Variants in EXOC4 observed in about 807,000 individuals in gnomAD.
The protein encoded by EXOC4 is SEC8-like 1.
A neutral mutation model predicts 107.2 loss-of-function variants in EXOC4; 71 were observed. The observed-to-expected ratio is 0.66, with a 90% CI of 0.55 to 0.81. The LOEUF (loss-of-function observed/expected upper bound fraction) is 0.81, where lower values mean the gene tolerates loss of function less well. Among genes scored for constraint, EXOC4 ranks in the 30% least tolerant of loss-of-function variants. The probability of loss-of-function intolerance (pLI) is 0.00; values close to 1 mark genes in which losing one functional copy is unlikely to be tolerated. For synonymous variants in EXOC4, 456 were observed against 441.2 expected (o/e 1.03, Z -0.42); for missense variants, 1,108 against 1,189.6 (o/e 0.93, Z 1.01).
chr7:133,290,498 C>T (rs1015197216), intron 3 of EXOC4, among the ~76,000 whole-genome samples: 1 of 152,134 alleles, frequency 6.6e-6, no homozygotes, highest in Non-Finnish European at 1.5e-5. Context: ...CAAGATTCAG[C>T]AATCAGAATA....
At chr7:134,005,867 T>C (rs138700171) in intron 16 of EXOC4, among the ~76,000 whole-genome samples, 38 of 152,326 alleles carry the variant, frequency 2.5e-4, no homozygotes, top group African/African-American at 8.7e-4. Context: ...CAATGTTTGC[T>C]TTATGAAAGT....
intron 7 of EXOC4, among the ~76,000 whole-genome samples, chr7:133,410,630 G>A (rs560986830): frequency 6.6e-6 from 1 of 152,302 alleles, no homozygotes; most frequent in African/African-American, 2.4e-5. Context: ...GGGGATGACA[G>A]AGGGAGAAAG....
chr7:133,423,868 T>C (rs891593006), intron 7 of EXOC4, among the ~76,000 whole-genome samples: 1 of 152,136 alleles, frequency 6.6e-6, no homozygotes, highest in African/African-American at 2.4e-5. Context: ...CTGGACTTGA[T>C]AGGGGGACGA....
intron 11 of EXOC4, among the ~76,000 whole-genome samples, chr7:133,873,078 G>A (rs1798781164): frequency 6.6e-6 from 1 of 152,166 alleles, no homozygotes; most frequent in Non-Finnish European, 1.5e-5. Context: ...GGAGGGCCCA[G>A]GTATGAGGAT....
At chr7:133,268,081 T>C (rs568417800) in intron 1 of EXOC4, among the ~76,000 whole-genome samples, 1 of 152,230 alleles carries the variant, frequency 6.6e-6, no homozygotes, top group Non-Finnish European at 1.5e-5. Flanking sequence ...CTTTATATTT[T>C]CAAAGCACAT....
intron 9 of EXOC4, among the ~76,000 whole-genome samples, chr7:133,492,539 G>A (rs1799391943): frequency 6.6e-6 from 1 of 152,128 alleles, no homozygotes. Flanking sequence ...AAGGCTTTCA[G>A]CAGTTTGTGA....
intron 9 of EXOC4, among the ~76,000 whole-genome samples, chr7:133,558,569 C>T (rs561469067): frequency 5.9e-5 from 9 of 151,922 alleles, no homozygotes; most frequent in Non-Finnish European, 1.0e-4. Flanking sequence ...TAATGTAGAG[C>T]GATAATTTTG....
chr7:133,386,573 G>C (rs1257220762), intron 7 of EXOC4, among the ~76,000 whole-genome samples: 2 of 152,160 alleles, frequency 1.3e-5, no homozygotes, highest in Non-Finnish European at 2.9e-5. Context: ...TTATACTCTT[G>C]TTCAGGGTTG....
At chr7:134,076,631 A>G in the EXOC4 span, among the ~76,000 whole-genome samples, 1 of 151,820 alleles carries the variant, frequency 6.6e-6, no homozygotes, top group Non-Finnish European at 1.5e-5. Context: ...TTTAACATAT[A>G]TGTACATATC....
chr7:133,422,873 G>A (rs1391033634), intron 7 of EXOC4, among the ~76,000 whole-genome samples: 1 of 152,200 alleles, frequency 6.6e-6, no homozygotes. Context: ...TTTTTAAAAG[G>A]AGAAAGGGAA....
At chr7:133,428,691 C>A (rs984421946) in intron 7 of EXOC4, among the ~76,000 whole-genome samples, 1 of 152,136 alleles carries the variant, frequency 6.6e-6, no homozygotes, top group African/African-American at 2.4e-5. Context: ...GTATAATATT[C>A]GGGTTCCTTC....
At chr7:133,683,474 C>T (rs1562906143) in intron 10 of EXOC4, among the ~76,000 whole-genome samples, 1 of 152,108 alleles carries the variant, frequency 6.6e-6, no homozygotes, top group Non-Finnish European at 1.5e-5. Flanking sequence ...ATGAATGCTT[C>T]ATAATTTGAT....
At position 133,374,959 on chromosome 7, in the gene EXOC4, A is replaced by G. The variant is rs1047959899; in HGVS notation, c.1139A>G (p.Tyr380Cys). ...ACTCAGCAGGAAGATATCAAACTGT[A>G]TGATATGGCAGATGTATGGGTGAAG... ...PLTQQEDIKL[Y>C]DMADVWVKIQ... Residue 380 changes from tyrosine to cysteine, a missense_variant, in exon 7 of 18, where the codon TAT (tyrosine) becomes TGT (cysteine). Tyr to Cys is a radical substitution (Grantham distance 194). Coordinates refer to ENST00000253861, the MANE Select transcript of EXOC4 (RefSeq NM_021807.4). 4 of 1,613,928 alleles carry G rather than the reference A, an allele frequency of 2.5e-6. No homozygotes were observed. Among genetic ancestry groups the G allele is most frequent in the Admixed American group, 3.3e-5 (2 of 60,002 alleles).
At chr7:133,285,939 T>A (rs1338351933) in intron 2 of EXOC4, among the ~76,000 whole-genome samples, 1 of 152,144 alleles carries the variant, frequency 6.6e-6, no homozygotes, top group Non-Finnish European at 1.5e-5. Context: ...TTTTAATTTA[T>A]GGTGGAGACA....
At chr7:133,362,442 T>C (rs934928311) in intron 6 of EXOC4, among the ~76,000 whole-genome samples, 1 of 152,206 alleles carries the variant, frequency 6.6e-6, no homozygotes, top group Non-Finnish European at 1.5e-5. Flanking sequence ...GTTTATCATA[T>C]GGTGATGGTT....
intron 10 of EXOC4, among the ~76,000 whole-genome samples, chr7:133,791,599 A>G (rs1218195296): frequency 3.3e-5 from 5 of 152,210 alleles, no homozygotes; most frequent in Non-Finnish European, 7.3e-5. Context: ...TAGTAAAAAT[A>G]TTTCAAAACA....
At chr7:133,780,331 G>A (rs528705912) in intron 10 of EXOC4, among the ~76,000 whole-genome samples, 4 of 149,916 alleles carry the variant, frequency 2.7e-5, no homozygotes, top group Admixed American at 1.3e-4. Context: ...TACTTTTAGC[G>A]TTTTTTGAAA....
chr7:133,620,186 C>T (rs988074801), intron 9 of EXOC4, among the ~76,000 whole-genome samples: 16 of 151,946 alleles, frequency 1.1e-4, no homozygotes, highest in African/African-American at 3.6e-4. Context: ...CCACACCTGG[C>T]TAGTTTTTTT....
intron 10 of EXOC4, among the ~76,000 whole-genome samples, chr7:133,755,638 G>A (rs1330987230): frequency 6.6e-6 from 1 of 151,734 alleles, no homozygotes; most frequent in Non-Finnish European, 1.5e-5. Flanking sequence ...CACTTCGCCT[G>A]GCATCGTTTA....
Sources: allele counts gnomAD v4.1 joint callset (sites outside exome capture counted in the v4.1 genomes callset), GRCh38; gene constraint gnomAD v4.1.1; transcripts MANE v1.5; gene names NCBI Gene and HGNC (gene_info 2026-07-23, HGNC 2026-07-21).